The following PTPRS variants were observed in gnomAD, a reference collection of about 807,000 sequenced individuals.
PTPRS encodes the protein receptor-type tyrosine-protein phosphatase S.
In PTPRS, 63 loss-of-function variants were observed where a neutral mutation model predicts 215.3. The observed-to-expected ratio is 0.29, with a 90% CI of 0.24 to 0.36. The LOEUF is 0.36. Among genes scored for constraint, PTPRS ranks in the 10% least tolerant of loss-of-function variants. The pLI is 1.00. For synonymous variants in PTPRS, 1,404 were observed against 1,191.4 expected, an observed-to-expected ratio of 1.18 and a Z score of -3.68; for missense variants, 2,258 against 2,825.8, an observed-to-expected ratio of 0.80 and a Z score of 4.56.
At chr19:5,207,415 C>G (rs2040463163) in intron 37 of PTPRS, among the ~76,000 whole-genome samples, 1 of 152,226 alleles carries the variant, frequency 6.6e-6, no homozygotes, top group Admixed American at 6.5e-5. Context: ...GAGATGGGGT[C>G]TTTCTGTGTT....
intron 1 of PTPRS, among the ~76,000 whole-genome samples, chr19:5,290,508 C>T (rs1361723076): frequency 6.6e-6 from 1 of 152,144 alleles, no homozygotes; most frequent in Non-Finnish European, 1.5e-5. Context: ...TGTGTGCCCA[C>T]GCGGTCCAGG....
At chr19:5,217,121 G>A (rs2041548120) in intron 25 of PTPRS, among the ~76,000 whole-genome samples, 2 of 152,252 alleles carry the variant, frequency 1.3e-5, no homozygotes, top group African/African-American at 4.8e-5. Flanking sequence ...GGATGGTGAA[G>A]GAGAAGCTGG....
intron 35 of PTPRS, among the ~76,000 whole-genome samples, 187 bp from the exon 36 acceptor site, chr19:5,208,578 A>C (rs1342470395): frequency 6.6e-6 from 1 of 151,848 alleles, no homozygotes. Flanking sequence ...ACCTCCAGTG[A>C]TTCAAGTAAT....
At chr19:5,220,833 G>A (rs1296847083) in intron 20 of PTPRS, among the ~76,000 whole-genome samples, 167 bp downstream of exon 20, 1 of 152,144 alleles carries the variant, frequency 6.6e-6, no homozygotes, top group Admixed American at 6.5e-5. Context: ...TAGTGACAAT[G>A]ACCCATGAGA....
At chr19:5,274,109 C>A in intron 3 of PTPRS, 90 bp downstream of exon 3, 1 of 1,504,404 alleles carries the variant, frequency 6.6e-7, no homozygotes, top group South Asian at 1.3e-5. Flanking sequence ...ACCTGGGGAA[C>A]GTGTCCACGA....
intron 24 of PTPRS, 69 bp from the exon 25 acceptor site, chr19:5,218,601 C>T: frequency 1.3e-6 from 2 of 1,550,576 alleles, no homozygotes; most frequent in Non-Finnish European, 1.8e-6. Context: ...ACAATTCAGG[C>T]CCCAGGAATG....
rs2230611 is a variant in PTPRS at position 5,212,471 on chromosome 19, G to C, written c.4635C>G (p.Arg1545=). 3.1e-6 allele frequency: 5 copies of C among 1,593,462 alleles called. No individual in the cohort carries two copies. The Admixed American group carries it at 8.8e-5, about 28-fold the overall frequency. The change falls in exon 31 of 38, where the codon CGC becomes CGG. Residue 1545 remains arginine (R), a synonymous_variant. Transcript: ENST00000262963. ...SLHKNGSSEK[R]EVRQFQFTAW... ...CCGTAAACTGGAACTGGCGGACCTC[G>C]CGTTTCTCACTGGAGCCATTCTGGG...
intron 1 of PTPRS, among the ~76,000 whole-genome samples, chr19:5,316,028 C>G (rs921020604): frequency 6.6e-6 from 1 of 151,954 alleles, no homozygotes; most frequent in Non-Finnish European, 1.5e-5. Context: ...GCGATCCCTC[C>G]CACCTCAGCC....
intron 9 of PTPRS, among the ~76,000 whole-genome samples, chr19:5,247,180 TAATA>T (rs1015620023): frequency 2.6e-4 from 38 of 148,334 alleles, no homozygotes; most frequent in African/African-American, 6.9e-4. Flanking sequence ...CCTGGCAGAA[TAATA>T]AATAGTATAT....
rs778398104 is a variant in PTPRS at position 5,221,273 on chromosome 19, C to G, written c.3202-20G>C. The stretch of plus-strand genomic sequence containing the variant: ...CTGGATCTGCGGACCAGGGCTAGCT[C>G]AGCAGGGCCTGGTGGGCTCATGCCC... On this transcript the variant is annotated intron_variant, in intron 19 of 37. Coordinates refer to ENST00000262963, the MANE Select transcript of PTPRS (RefSeq NM_002850.4). The G allele has an allele frequency of 1.2e-6, 2 of 1,601,464 alleles. No individual in the cohort carries two copies. The highest frequency in any genetic ancestry group is 2.7e-5 in the African/African-American group (2 of 74,684).
intron 20 of PTPRS, 89 bp downstream of exon 20, chr19:5,220,911 T>G (rs1225225588): frequency 6.9e-7 from 1 of 1,447,842 alleles, no homozygotes; most frequent in African/African-American, 1.4e-5. Context: ...GCAAGGAAAT[T>G]GAGGCACAGA....
At position 5,238,904 on chromosome 19, in the gene PTPRS, C is replaced by A. The variant is rs1178198108; in HGVS notation, c.1849+15G>T. On this transcript the variant is annotated intron_variant, in intron 13 of 37. Transcript: ENST00000262963. ...GTCCCTCCCGCAGAGAAGGGCGGCC[C>A]CGCGAGACACCTACTGGACTGCAGC... is the stretch of plus-strand genomic sequence containing the variant. 1 of 1,575,376 alleles carries A rather than the reference C, an allele frequency of 6.3e-7. No individual in the cohort carries two copies. The highest frequency in any genetic ancestry group is 1.9e-5 in the Admixed American group (1 of 52,490).
chr19:5,212,308 G>T (rs2040977419), intron 31 of PTPRS, 29 bp downstream of exon 31: 2 of 1,610,106 alleles, frequency 1.2e-6, no homozygotes, highest in Non-Finnish European at 1.7e-6. Context: ...CCGGGGGGAA[G>T]CGGATGGGGC....
chr19:5,230,438 C>T (rs2042918677), intron 14 of PTPRS, among the ~76,000 whole-genome samples: 1 of 152,172 alleles, frequency 6.6e-6, no homozygotes. Flanking sequence ...GCTGCAACTA[C>T]AGGCCTGTGC....
At chr19:5,274,412 C>T in intron 2 of PTPRS, 68 bp from the exon 3 acceptor site, 1 of 1,502,560 alleles carries the variant, frequency 6.7e-7, no homozygotes, top group Non-Finnish European at 9.0e-7. Context: ...TACCAAGGAG[C>T]CACGAAAACC....
chr19:5,290,034 C>T (rs371840496), intron 1 of PTPRS, among the ~76,000 whole-genome samples: 14 of 152,228 alleles, frequency 9.2e-5, no homozygotes, highest in African/African-American at 4.8e-5. Flanking sequence ...GTAAATGACA[C>T]GGCTGTTAGG....
chr19:5,290,097 AG>A (rs1400698543), intron 1 of PTPRS, among the ~76,000 whole-genome samples: 2 of 152,234 alleles, frequency 1.3e-5, no homozygotes, highest in Non-Finnish European at 2.9e-5. Flanking sequence ...GCTAGGGAGA[AG>A]GAGAGGGAGT....
chr19:5,233,119 A>G (rs995335282), intron 13 of PTPRS, among the ~76,000 whole-genome samples: 1 of 150,828 alleles, frequency 6.6e-6, no homozygotes, highest in African/African-American at 2.4e-5. Flanking sequence ...AGCTCCAATT[A>G]TCAGGCACCT....
At chr19:5,239,731 T>G (rs138933733) in intron 12 of PTPRS, among the ~76,000 whole-genome samples, 1 of 136,950 alleles carries the variant, frequency 7.3e-6, no homozygotes, top group African/African-American at 2.8e-5. Flanking sequence ...AAGAAACAGA[T>G]ACAGAGACAG....
Sources: allele counts gnomAD v4.1 joint callset (sites outside exome capture counted in the v4.1 genomes callset), GRCh38; gene constraint gnomAD v4.1.1; transcripts MANE v1.5; gene names NCBI Gene and HGNC (gene_info 2026-07-23, HGNC 2026-07-21).